The following ANO3 variants were observed in gnomAD, a reference collection of about 807,000 sequenced individuals.
ANO3 encodes the protein anoctamin 3.
In ANO3, 99 loss-of-function variants were observed where a neutral mutation model predicts 144.8. That is an observed-to-expected ratio of 0.68 (90% CI 0.58 to 0.81). The LOEUF is 0.81. Ranked by LOEUF, ANO3 falls within the 30% of genes least tolerant of loss-of-function variation. The pLI is 0.00. For missense variants in ANO3, 905 were observed against 1,202.2 expected, an observed-to-expected ratio of 0.75 and a Z score of 3.66; for synonymous variants, 414 against 392.6, an observed-to-expected ratio of 1.05 and a Z score of -0.64.
chr11:26,310,864 C>A (rs1854488157), intron 1 of ANO3, among the ~76,000 whole-genome samples: 1 of 152,170 alleles, frequency 6.6e-6, no homozygotes, highest in African/African-American at 2.4e-5. Context: ...AACTGAAGAT[C>A]AATCTCTCAC....
intron 1 of ANO3, among the ~76,000 whole-genome samples, chr11:26,273,108 C>T (rs1447284407): frequency 6.6e-6 from 1 of 151,822 alleles, no homozygotes; most frequent in East Asian, 1.9e-4. Flanking sequence ...AGCTGCCAGT[C>T]TTTTCGTTGT....
intron 1 of ANO3, among the ~76,000 whole-genome samples, chr11:26,374,585 T>C (rs891061691): frequency 6.6e-6 from 1 of 152,228 alleles, no homozygotes; most frequent in Admixed American, 6.5e-5. Flanking sequence ...TCAGTATGGC[T>C]TTTGAAATTG....
At chr11:26,362,983 C>T (rs7121917) in intron 1 of ANO3, among the ~76,000 whole-genome samples, 122,758 of 152,134 alleles carry the variant, frequency 0.81, 49,722 homozygotes, top group East Asian at 0.98. Context: ...AAGAACAAAC[C>T]ATATAACTGG....
chr11:26,197,849 C>T (rs1851620178), intron 1 of ANO3, among the ~76,000 whole-genome samples: 1 of 152,146 alleles, frequency 6.6e-6, no homozygotes, highest in Admixed American at 6.5e-5. Context: ...GGCTTCTTTT[C>T]CCTAATGAAT....
At chr11:26,474,066 AT>A in intron 4 of ANO3, 1 of 985,232 alleles carries the variant, frequency 1.0e-6, no homozygotes. Context: ...GAAGATTGTC[AT>A]TTGAGACTGT....
At chr11:26,473,577 G>A (rs559356453) in intron 4 of ANO3, among the ~76,000 whole-genome samples, 5 of 150,576 alleles carry the variant, frequency 3.3e-5, no homozygotes, top group East Asian at 2.0e-4. Flanking sequence ...ACTCCACTCC[G>A]CTATCAAAAA....
At chr11:26,451,320 C>T (rs1858926172) in intron 3 of ANO3, among the ~76,000 whole-genome samples, 1 of 152,176 alleles carries the variant, frequency 6.6e-6, no homozygotes, top group South Asian at 2.1e-4. Context: ...TCAGGGAGTT[C>T]CCTTTCCTAG....
chr11:26,439,658 C>T (rs911430594), intron 1 of ANO3, among the ~76,000 whole-genome samples: 11 of 151,918 alleles, frequency 7.2e-5, no homozygotes, highest in African/African-American at 1.9e-4. Context: ...CTTTTAACTC[C>T]GAAAAGTCTG....
chr11:26,565,084 T>C, intron 14 of ANO3: 2 of 1,339,016 alleles, frequency 1.5e-6, no homozygotes, highest in Non-Finnish European at 2.0e-6. Context: ...TCCAGCATGG[T>C]GATTCCTTAG....
intron 1 of ANO3, among the ~76,000 whole-genome samples, chr11:26,199,562 C>G (rs181307325): frequency 6.4e-4 from 98 of 152,262 alleles, no homozygotes; most frequent in African/African-American, 2.3e-3. Context: ...ATTTAACCAT[C>G]TGGTTAGGAA....
intron 14 of ANO3, among the ~76,000 whole-genome samples, chr11:26,563,849 G>A (rs1850402961): frequency 6.6e-6 from 1 of 151,776 alleles, no homozygotes; most frequent in South Asian, 2.1e-4. Flanking sequence ...CTAGGCCTGA[G>A]CTTACGGGAG....
chr11:26,590,484 C>T (rs1296812934), intron 14 of ANO3, among the ~76,000 whole-genome samples: 3 of 152,106 alleles, frequency 2.0e-5, no homozygotes, highest in Non-Finnish European at 2.9e-5. Context: ...CAGGCCACTC[C>T]CAAGATGGGG....
intron 4 of ANO3, among the ~76,000 whole-genome samples, chr11:26,481,588 T>C (rs1860219947): frequency 6.6e-6 from 1 of 152,172 alleles, no homozygotes; most frequent in African/African-American, 2.4e-5. Context: ...GCTAAATAAA[T>C]GGTGAAATGT....
At chr11:26,348,848 A>G (rs1334769931) in intron 1 of ANO3, among the ~76,000 whole-genome samples, 1 of 152,218 alleles carries the variant, frequency 6.6e-6, no homozygotes, top group Non-Finnish European at 1.5e-5. Context: ...GTGGAGTGTA[A>G]TAAGGACACT....
chr11:26,390,907 C>T (rs1168567020), intron 1 of ANO3, among the ~76,000 whole-genome samples: 1 of 151,994 alleles, frequency 6.6e-6, no homozygotes, highest in Non-Finnish European at 1.5e-5. Flanking sequence ...TCTTTATGAC[C>T]TCCTCCAAGT....
intron 1 of ANO3, among the ~76,000 whole-genome samples, chr11:26,290,477 C>T (rs990289899): frequency 6.6e-6 from 1 of 152,056 alleles, no homozygotes. Context: ...GCTCTTGCTT[C>T]TCTAGTTCTT....
intron 1 of ANO3, among the ~76,000 whole-genome samples, chr11:26,272,817 C>T (rs1280787284): frequency 6.6e-6 from 1 of 152,000 alleles, no homozygotes; most frequent in Non-Finnish European, 1.5e-5. Context: ...AAACAAATAC[C>T]AGGTTATAAA....
At chr11:26,641,436 A>G (rs908457335) in intron 21 of ANO3, among the ~76,000 whole-genome samples, 39 of 152,122 alleles carry the variant, frequency 2.6e-4, no homozygotes, top group African/African-American at 9.2e-4. Context: ...TCCTGTTCAG[A>G]GAGTATAGCT....
chr11:26,448,662 T>C (rs531757660), intron 3 of ANO3, among the ~76,000 whole-genome samples: 33 of 152,322 alleles, frequency 2.2e-4, no homozygotes, highest in Non-Finnish European at 2.6e-4. Flanking sequence ...AAGAAATAAC[T>C]TTCTTCTAAT....
Sources: gnomAD v4.1 joint callset for allele counts (sites outside exome capture counted in the v4.1 genomes callset) on GRCh38, gnomAD v4.1.1 for gene constraint, MANE v1.5 for transcripts, NCBI Gene and HGNC (gene_info 2026-07-23, HGNC 2026-07-21) for gene names.